S1PR5: variants seen among roughly 807,000 people sequenced by gnomAD.
S1PR5 encodes the protein sphingosine-1-phosphate receptor 5, also known as sphingosine 1-phosphate receptor 5.
For synonymous variants in S1PR5, 307 were observed against 284.7 expected (o/e 1.08, Z -0.79); for missense variants, 583 against 571.7 (o/e 1.02, Z -0.20).
chr19:10,517,507 C>A (rs984527240), upstream of S1PR5: 14 of 985,456 alleles, frequency 1.4e-5, no homozygotes, highest in South Asian at 1.4e-4. Context: ...GGGCCAGCGA[C>A]GCAAAGGGCC....
At position 10,514,516 on chromosome 19, in the gene S1PR5, C is replaced by T; in HGVS notation, c.496G>A (p.Gly166Arg). ...TTCCAGCCCAGCGCTGGCAGGAGCC[C>T]GAGGAGCAGCGACACGCCCCAGGCC... is the stretch of plus-strand genomic sequence containing the variant. The part of the protein sequence containing the change: ...AAAWGVSLLL[G>R]LLPALGWNCL... The change falls in exon 2 of 2, where the codon GGG becomes AGG. Residue 166 changes from glycine (G) to arginine (R), a missense_variant. Physicochemically the swap from Gly to Arg is moderately radical, Grantham distance 125 (BLOSUM62 -2). Transcript: ENST00000333430. 1 of 1,594,036 alleles carries T rather than the reference C, an allele frequency of 6.3e-7. No homozygotes were observed. The highest frequency in any genetic ancestry group is 8.5e-7 in the Non-Finnish European group (1 of 1,171,580).
In S1PR5 at chr19:10,513,541, T is replaced by G. The variant is rs1915335967; in HGVS notation, c.*274A>C. On this transcript the variant is annotated 3_prime_UTR_variant, in exon 2 of 2. Coordinates refer to ENST00000333430, the MANE Select transcript of S1PR5 (RefSeq NM_030760.5). The stretch of plus-strand genomic sequence containing the variant: ...ACAAGTCACTACCTCTGCAGAGAGG[T>G]CTTCCCTGACCACCATCACCATCTC... 1.7e-6 allele frequency: 1 copy of G among 577,208 alleles called. No homozygotes were observed. The highest frequency in any genetic ancestry group is 3.0e-6 in the Non-Finnish European group (1 of 331,000). 35.8% of individuals were successfully genotyped at this position (577,208 alleles called of 1,614,324 possible).
Position 10,514,353 on chromosome 19 carries a change from C to A in S1PR5, c.659G>T (p.Arg220Leu), listed in dbSNP as rs1915372444. The A allele has an allele frequency of 1.3e-6, 2 of 1,574,080 alleles. No homozygotes were observed. Residue 220 changes from arginine to leucine, a missense_variant, in exon 2 of 2, where the codon CGC becomes CTC. By Grantham distance (102) the Arg-to-Leu change is moderately radical (BLOSUM62 -2). Transcript: ENST00000333430. ...ALYARIYCQVRANARRLPARP... is the reference protein window; with the variant it reads ...ALYARIYCQVLANARRLPARP... ...TGCCGGCAGGCGCCGCGCGTTGGCG[C>A]GTACCTGGCAGTAGATGCGCGCGTA... is the stretch of plus-strand genomic sequence containing the variant.
chr19:10,514,834 CCAA>C lies in S1PR5; in HGVS notation c.175_177del (p.Leu59del), dbSNP rs1915389702. The stretch of plus-strand genomic sequence containing the variant: ...TGGAAGCGCGGGTGGCGTCCGAGCA[CCAA>C]CAACACGGCTAGATTCTCTAGCACG... On this transcript the variant is annotated inframe_deletion, in exon 2 of 2. Coordinates refer to ENST00000333430, the MANE Select transcript of S1PR5 (RefSeq NM_030760.5). The C allele has an allele frequency of 6.2e-7, 1 of 1,612,994 alleles. No individual in the cohort carries two copies. The highest frequency in any genetic ancestry group is 1.7e-5 in the Admixed American group (1 of 59,934).
In S1PR5 at chr19:10,514,618, C is replaced by T; in HGVS notation, c.394G>A (p.Glu132Lys). 1 of 1,592,000 alleles carries T rather than the reference C, an allele frequency of 6.3e-7. No individual in the cohort carries two copies. The highest frequency in any genetic ancestry group is 2.3e-5 in the East Asian group (1 of 43,954). ...CTGCGCGCCATGGTGAGGCTGCGCT[C>T]CAGCGCGATGGCCAGGAGGCTCAGC... Reference protein sequence around the residue: ...SVLSLLAIALERSLTMARRGP... With the variant: ...SVLSLLAIALKRSLTMARRGP... The change falls in exon 2 of 2, where the codon GAG (glutamate) becomes AAG (lysine). Residue 132 changes from glutamate to lysine, a missense_variant. Glu to Lys is a moderately conservative substitution (Grantham distance 56). Coordinates refer to ENST00000333430, the MANE Select transcript of S1PR5 (RefSeq NM_030760.5).
chr19:10,517,497 G>T, upstream of S1PR5: 1 of 985,580 alleles, frequency 1.0e-6, no homozygotes, highest in Non-Finnish European at 1.2e-6. Context: ...GCGAGGGGGC[G>T]GGCCAGCGAC....
upstream of S1PR5, chr19:10,517,742 C>G (rs1009118419): frequency 2.1e-6 from 2 of 972,816 alleles, no homozygotes; most frequent in South Asian, 9.5e-5. Context: ...AGGGCGGTCG[C>G]AGCCTGAGCC....
intron 1 of S1PR5, 148 bp from the exon 2 acceptor site, chr19:10,515,177 A>G: frequency 9.8e-7 from 1 of 1,019,472 alleles, no homozygotes; most frequent in African/African-American, 1.6e-5. Context: ...GGAGGGATAG[A>G]GTCCGTGGAG....
chr19:10,514,023 C>G lies in S1PR5; in HGVS notation c.989G>C (p.Arg330Thr). Reference sequence around the variant, plus strand: ...CGACTGCTGGGAGCCACTCGGGTCTCTGCCGCAGGAGTGGCGTCCGCAGCA... The same window carrying G: ...CGACTGCTGGGAGCCACTCGGGTCTGTGCCGCAGGAGTGGCGTCCGCAGCA... Reference protein sequence around the residue: ...LVCCGRHSCGRDPSGSQQSAS... With the variant: ...LVCCGRHSCGTDPSGSQQSAS... The change falls in exon 2 of 2, where the codon AGA becomes ACA. Residue 330 changes from arginine to threonine, a missense_variant. Coordinates refer to ENST00000333430, the MANE Select transcript of S1PR5 (RefSeq NM_030760.5). The G allele has an allele frequency of 6.2e-7, 1 of 1,610,160 alleles. No homozygotes were observed. Among genetic ancestry groups the G allele is most frequent in the East Asian group, 2.2e-5 (1 of 44,834 alleles).
In S1PR5 at chr19:10,514,587, G is replaced by C; in HGVS notation, c.425C>G (p.Pro142Arg). The change falls in exon 2 of 2, where the codon CCC becomes CGC. Residue 142 changes from proline to arginine, a missense_variant. Transcript: ENST00000333430. ...GCGCCCCCGACTGGAGACGGGCGCG[G>C]GCCCCCTGCGCGCCATGGTGAGGCT... ...ERSLTMARRG[P>R]APVSSRGRTL... 6.3e-7 allele frequency: 1 copy of C among 1,576,722 alleles called. No homozygotes were observed.
chr19:10,515,714 G>A (rs1915423675), intron 1 of S1PR5, among the ~76,000 whole-genome samples: 1 of 151,966 alleles, frequency 6.6e-6, no homozygotes, highest in Non-Finnish European at 1.5e-5. Context: ...GATTGTTTGA[G>A]GCCCAGGAGT....
intron 1 of S1PR5, among the ~76,000 whole-genome samples, chr19:10,515,974 G>GT (rs1915429401): frequency 6.6e-6 from 1 of 151,952 alleles, no homozygotes; most frequent in Non-Finnish European, 1.5e-5. Context: ...TTCCAGAGAC[G>GT]TAACAGTAAA....
chr19:10,513,688 G>A lies in S1PR5; in HGVS notation c.*127C>T, dbSNP rs1915340891. On this transcript the variant is annotated 3_prime_UTR_variant, in exon 2 of 2. Coordinates refer to ENST00000333430, the MANE Select transcript of S1PR5 (RefSeq NM_030760.5). ...TGTCTGTTTGTTCACATTGTGGGGT[G>A]TCGCTGCATAAATACATTTCCCCTG... 1.4e-5 allele frequency: 19 copies of A among 1,319,424 alleles called. No homozygotes were observed. Among genetic ancestry groups the A allele is most frequent in the East Asian group, 2.5e-5 (1 of 40,624 alleles). 81.7% of individuals were successfully genotyped at this position (1,319,424 alleles called of 1,614,324 possible). A position where few individuals can be genotyped will look rare whatever the true frequency, so the allele number is the denominator to read the frequency against.
chr19:10,514,154 C>A lies in S1PR5; in HGVS notation c.858G>T (p.Leu286=), dbSNP rs770940085. 1.2e-6 allele frequency: 2 copies of A among 1,612,746 alleles called. No homozygotes were observed. Among genetic ancestry groups the A allele is most frequent in the South Asian group, 2.2e-5 (2 of 91,080 alleles). ...CCAGTCCCAGGAAGGGATCGGCCTG[C>A]AGGAGTACAGGACAGGTGCGCGCCG... The part of the protein sequence containing the change: ...ACPARTCPVL[L]QADPFLGLAM... The change falls in exon 2 of 2, where the codon CTG becomes CTT. Residue 286 remains leucine, a synonymous_variant. Coordinates refer to ENST00000333430, the MANE Select transcript of S1PR5 (RefSeq NM_030760.5).
At chr19:10,516,878 C>T (rs34374973) in intron 1 of S1PR5, among the ~76,000 whole-genome samples, 1 of 152,154 alleles carries the variant, frequency 6.6e-6, no homozygotes, top group Admixed American at 6.6e-5. Flanking sequence ...ACACAAACAT[C>T]CATGCACAAA....
At chr19:10,517,596 G>T, upstream of S1PR5, 3 of 985,370 alleles carry the variant, frequency 3.0e-6, no homozygotes, top group Non-Finnish European at 3.6e-6. Flanking sequence ...CACTCGCCGC[G>T]GCACCGGAGC....
Position 10,514,660 on chromosome 19 carries a change from C to T in S1PR5, c.352G>A (p.Ala118Thr). ...WFAREGGVFV[A>T]LTASVLSLLA... ...AGGCTCAGCACGGACGCAGTGAGTG[C>T]CACGAAGACGCCTCCCTCCCGTGCG... Residue 118 changes from alanine to threonine, a missense_variant, in exon 2 of 2, where the codon GCA becomes ACA. Physicochemically the swap from Ala to Thr is moderately conservative, Grantham distance 58 (BLOSUM62 0). Transcript: ENST00000333430. 1 of 1,605,298 alleles carries T rather than the reference C, an allele frequency of 6.2e-7. No individual in the cohort carries two copies. The highest frequency in any genetic ancestry group is 8.5e-7 in the Non-Finnish European group (1 of 1,177,804).
chr19:10,517,279 C>T lies in S1PR5; in HGVS notation c.-19+119G>A, dbSNP rs1231161726. The T allele has an allele frequency of 1.0e-5, 8 of 784,772 alleles. No individual in the cohort carries two copies. The East Asian group carries it at 8.9e-4, about 87-fold the overall frequency. 48.6% of individuals were successfully genotyped at this position (784,772 alleles called of 1,614,324 possible). A position where few individuals can be genotyped will look rare whatever the true frequency, so the allele number is the denominator to read the frequency against. On this transcript the variant is annotated intron_variant, in intron 1 of 1. Coordinates refer to ENST00000333430, the MANE Select transcript of S1PR5 (RefSeq NM_030760.5). ...TCCCCAGAGGCCTCCAGGAAAAGTT[C>T]GGAGAACTCCCTGCAAGGAGTGGTG...
chr19:10,516,550 T>C (rs1028513105), intron 1 of S1PR5, among the ~76,000 whole-genome samples: 25 of 141,892 alleles, frequency 1.8e-4, no homozygotes, highest in African/African-American at 6.6e-4. Flanking sequence ...GAGGCTGCAG[T>C]GAGCCATGAT....
Sources: gnomAD v4.1 joint callset for allele counts (sites outside exome capture counted in the v4.1 genomes callset) on GRCh38, gnomAD v4.1.1 for gene constraint, MANE v1.5 for transcripts, NCBI Gene and HGNC (gene_info 2026-07-23, HGNC 2026-07-21) for gene names.